Variants in RPF2 observed in about 807,000 individuals in gnomAD.
RPF2 encodes the protein ribosome production factor 2 homolog.
In RPF2, 21 loss-of-function variants were observed where a neutral mutation model predicts 38.9. The observed-to-expected ratio is 0.54, with a 90% CI of 0.38 to 0.78. The LOEUF (loss-of-function observed/expected upper bound fraction) is 0.78. Among genes scored for constraint, RPF2 ranks in the 30% least tolerant of loss-of-function variants. RPF2 has a pLI of 0.00. For missense variants in RPF2, 314 were observed against 358.1 expected (o/e 0.88, Z 0.99); for synonymous variants, 121 against 126.2 (o/e 0.96, Z 0.28).
intron 2 of RPF2, among the ~76,000 whole-genome samples, chr6:110,987,623 G>A (rs889100301): frequency 3.3e-5 from 5 of 152,122 alleles, no homozygotes; most frequent in African/African-American, 7.2e-5. Context: ...AGAAGAGGTG[G>A]CAATGTTTAT....
intron 8 of RPF2, among the ~76,000 whole-genome samples, chr6:111,020,495 A>G (rs931286845): frequency 1.3e-5 from 2 of 152,240 alleles, no homozygotes; most frequent in Admixed American, 1.3e-4. Flanking sequence ...TATTTAGTGA[A>G]AAGGGTTTAT....
chr6:111,004,549 G>C (rs550998344), intron 6 of RPF2, among the ~76,000 whole-genome samples: 1 of 141,522 alleles, frequency 7.1e-6, no homozygotes, highest in Non-Finnish European at 1.5e-5. Flanking sequence ...AAGTATTGGG[G>C]TTTTTTTTTT....
At chr6:110,993,442 T>C (rs909887171) in intron 4 of RPF2, among the ~76,000 whole-genome samples, 4 of 152,214 alleles carry the variant, frequency 2.6e-5, no homozygotes, top group African/African-American at 9.6e-5. Flanking sequence ...CTCAGTTTTT[T>C]TCAAATTACT....
Position 111,026,018 on chromosome 6 carries a change from C to CTTTTA in RPF2, c.*441_*445dup, listed in dbSNP as rs71679115. ...TCTACATTCTGATTTTTATTTTCTA[C>CTTTTA]TTTTATTTTGCCTGAAATCCTACTC... is the stretch of plus-strand genomic sequence containing the variant. On this transcript the variant is annotated 3_prime_UTR_variant, in exon 10 of 10. Transcript: ENST00000441448. The CTTTTA allele has an allele frequency of 1.2e-5, 1 of 81,214 alleles. No individual in the cohort carries two copies. Among genetic ancestry groups the CTTTTA allele is most frequent in the Non-Finnish European group, 2.5e-5 (1 of 39,574 alleles). 5.0% of individuals were successfully genotyped at this position (81,214 alleles called of 1,614,324 possible).
At chr6:111,005,912 A>G (rs1413137440) in intron 6 of RPF2, among the ~76,000 whole-genome samples, 1 of 152,162 alleles carries the variant, frequency 6.6e-6, no homozygotes, top group East Asian at 1.9e-4. Flanking sequence ...CCTGGGTTCA[A>G]GCAATTTTCC....
chr6:110,983,834 C>T (rs1417389392), intron 1 of RPF2, among the ~76,000 whole-genome samples: 1 of 151,850 alleles, frequency 6.6e-6, no homozygotes, highest in Non-Finnish European at 1.5e-5. Flanking sequence ...TCGAGACCAT[C>T]CTGGCTAACA....
At position 111,016,439 on chromosome 6, in the gene RPF2, C is replaced by A. The variant is rs938053151; in HGVS notation, c.596+583C>A. The stretch of plus-strand genomic sequence containing the variant: ...GAAACCCCATCTCTACTAAAAAAAA[C>A]CAGAAAAATTAGCCCAGCGTGGTGG... On this transcript the variant is annotated intron_variant, in intron 8 of 9. Coordinates refer to ENST00000441448, the MANE Select transcript of RPF2 (RefSeq NM_032194.3). Among the ~76,000 whole-genome samples, 63 of 152,068 alleles carry A rather than the reference C, an allele frequency of 4.1e-4. 1 individual carries two copies. The highest frequency in any genetic ancestry group is 8.7e-4 in the African/African-American group (36 of 41,492).
At chr6:111,019,370 G>A (rs1012360311) in intron 8 of RPF2, among the ~76,000 whole-genome samples, 14 of 152,138 alleles carry the variant, frequency 9.2e-5, no homozygotes, top group African/African-American at 3.4e-4. Context: ...AGCTTGGGAG[G>A]CAGAGGTTGC....
intron 4 of RPF2, among the ~76,000 whole-genome samples, chr6:110,994,905 A>AAT (rs1454520384): frequency 6.6e-6 from 1 of 151,796 alleles, no homozygotes; most frequent in African/African-American, 2.4e-5. Context: ...ATACAAAATA[A>AAT]ATATATATAT....
intron 2 of RPF2, among the ~76,000 whole-genome samples, chr6:110,988,178 G>A (rs1771556046): frequency 6.6e-6 from 1 of 151,844 alleles, no homozygotes; most frequent in Admixed American, 6.6e-5. Flanking sequence ...ACTCCAGCCT[G>A]GGCAACAGAG....
intron 5 of RPF2, among the ~76,000 whole-genome samples, chr6:110,998,958 A>G (rs947533842): frequency 6.6e-6 from 1 of 152,138 alleles, no homozygotes; most frequent in South Asian, 2.1e-4. Context: ...AAAAAAAAAA[A>G]AAAAATTTAT....
intron 2 of RPF2, among the ~76,000 whole-genome samples, chr6:110,986,676 A>G (rs537909376): frequency 6.6e-6 from 1 of 152,342 alleles, no homozygotes; most frequent in African/African-American, 2.4e-5. Flanking sequence ...AGTATGGGCC[A>G]GGCACAGTGG....
chr6:110,986,255 A>G (rs749040122), intron 2 of RPF2, among the ~76,000 whole-genome samples: 2 of 152,220 alleles, frequency 1.3e-5, no homozygotes, highest in Non-Finnish European at 2.9e-5. Context: ...GATATTAAGC[A>G]AGAGATACCA....
intron 8 of RPF2, among the ~76,000 whole-genome samples, chr6:111,016,697 T>G (rs1366249031): frequency 1.3e-5 from 2 of 149,692 alleles, no homozygotes; most frequent in Admixed American, 1.3e-4. Flanking sequence ...CTTTTTTTTT[T>G]TTTTAATTGA....
At position 111,027,763 on chromosome 6, in the gene RPF2, T is replaced by A. The variant is rs768206305; in HGVS notation, c.*2181T>A. On this transcript the variant is annotated 3_prime_UTR_variant, in exon 10 of 10. Coordinates refer to ENST00000441448, the MANE Select transcript of RPF2 (RefSeq NM_032194.3). ...GTCTGATGGTAGAGGATCTAATAAG[T>A]ATTGGAATGCTTCCTATTTGCTGAT... 2 of 152,238 alleles carry A rather than the reference T, an allele frequency of 1.3e-5. No homozygotes were observed. The highest frequency in any genetic ancestry group is 6.5e-5 in the Admixed American group (1 of 15,280). The allele number at this position is 152,238 out of a possible 1,614,324, so 9.4% of individuals were successfully genotyped here. A position where few individuals can be genotyped will look rare whatever the true frequency, so the allele number is the denominator to read the frequency against.
In RPF2 at chr6:111,026,593, G is replaced by A. The variant is rs1221435030; in HGVS notation, c.*1011G>A. ...CACTTTAGGGTACTGGGTAGCCCTAGGTAGCTAAAGGTTGCATGAAGGCCC... is the reference window on the plus strand; with the variant it reads ...CACTTTAGGGTACTGGGTAGCCCTAAGTAGCTAAAGGTTGCATGAAGGCCC... On this transcript the variant is annotated 3_prime_UTR_variant, in exon 10 of 10. Coordinates refer to ENST00000441448, the MANE Select transcript of RPF2 (RefSeq NM_032194.3). 1 of 152,212 alleles carries A rather than the reference G, an allele frequency of 6.6e-6. No individual in the cohort carries two copies. The highest frequency in any genetic ancestry group is 6.5e-5 in the Admixed American group (1 of 15,276). The allele number at this position is 152,212 out of a possible 1,614,324, so 9.4% of individuals were successfully genotyped here.
At chr6:111,024,000 T>A (rs895163457) in intron 8 of RPF2, among the ~76,000 whole-genome samples, 183 bp from the exon 9 acceptor site, 1 of 150,434 alleles carries the variant, frequency 6.6e-6, no homozygotes, top group South Asian at 2.1e-4. Context: ...AAAAAAAAAA[T>A]TTATAAAAGA....
chr6:110,998,199 CT>C (rs1353275984), intron 5 of RPF2, among the ~76,000 whole-genome samples: 1 of 152,176 alleles, frequency 6.6e-6, no homozygotes, highest in African/African-American at 2.4e-5. Flanking sequence ...GCCAGCATGC[CT>C]AGCCTCCTAC....
At chr6:111,003,465 G>C (rs983646606) in intron 6 of RPF2, among the ~76,000 whole-genome samples, 2 of 151,752 alleles carry the variant, frequency 1.3e-5, no homozygotes, top group African/African-American at 4.8e-5. Flanking sequence ...TAATTTTTTT[G>C]TATTTTTAGT....
Sources: gnomAD v4.1 joint callset for allele counts (sites outside exome capture counted in the v4.1 genomes callset) on GRCh38, gnomAD v4.1.1 for gene constraint, MANE v1.5 for transcripts, NCBI Gene and HGNC (gene_info 2026-07-23, HGNC 2026-07-21) for gene names.